CPPED1: variants seen among roughly 807,000 people sequenced by gnomAD.
CPPED1 encodes serine/threonine-protein phosphatase CPPED1.
CPPED1 carries 28 observed loss-of-function variants against 28.0 expected under a neutral mutation model. That is an observed-to-expected ratio of 1.00 (90% CI 0.74 to 1.37). The LOEUF (loss-of-function observed/expected upper bound fraction) is 1.37. Among genes scored for constraint, CPPED1 ranks in the 40% most tolerant of loss-of-function variants. CPPED1 has a pLI of 0.00. For missense variants in CPPED1, 504 were observed against 416.5 expected (o/e 1.21, Z -1.83); for synonymous variants, 198 against 180.2 (o/e 1.10, Z -0.79).
At chr16:12,672,044 C>T (rs1166061613) in intron 3 of CPPED1, among the ~76,000 whole-genome samples, 1 of 152,192 alleles carries the variant, frequency 6.6e-6, no homozygotes, top group Non-Finnish European at 1.5e-5. Flanking sequence ...GCATGGTTTG[C>T]AGTCTAGGAG....
At chr16:12,719,370 G>A (rs1445711149) in intron 2 of CPPED1, among the ~76,000 whole-genome samples, 17 of 147,690 alleles carry the variant, frequency 1.2e-4, no homozygotes, top group African/African-American at 3.5e-4. Context: ...TGGCCTGGGC[G>A]AAAGAGCGAG....
At chr16:12,802,878 T>G (rs982013497) in intron 1 of CPPED1, among the ~76,000 whole-genome samples, 2 of 152,080 alleles carry the variant, frequency 1.3e-5, no homozygotes, top group Admixed American at 1.3e-4. Flanking sequence ...CTGAAGGAAG[T>G]GGACACAAGC....
intron 3 of CPPED1, among the ~76,000 whole-genome samples, chr16:12,686,187 C>CAGT (rs953105529): frequency 3.3e-5 from 5 of 151,834 alleles, no homozygotes; most frequent in Non-Finnish European, 7.4e-5. Flanking sequence ...TTGGGGTGGC[C>CAGT]AGTAATCCAT....
At chr16:12,750,018 T>C (rs370397565) in intron 2 of CPPED1, among the ~76,000 whole-genome samples, 1 of 152,218 alleles carries the variant, frequency 6.6e-6, no homozygotes, top group African/African-American at 2.4e-5. Flanking sequence ...ACGTATTTCT[T>C]AAATACATTA....
chr16:12,770,096 T>C (rs947367181), intron 2 of CPPED1, among the ~76,000 whole-genome samples: 3 of 152,186 alleles, frequency 2.0e-5, no homozygotes, highest in Non-Finnish European at 2.9e-5. Flanking sequence ...CAGGAACTTA[T>C]TGCTTACATG....
intron 2 of CPPED1, among the ~76,000 whole-genome samples, chr16:12,712,299 G>A (rs1404642720): frequency 6.6e-6 from 1 of 152,142 alleles, no homozygotes; most frequent in Non-Finnish European, 1.5e-5. Flanking sequence ...GAATAGTCAA[G>A]CCAGGGCATC....
intron 1 of CPPED1, among the ~76,000 whole-genome samples, chr16:12,799,853 C>G (rs1596490482): frequency 6.6e-6 from 1 of 152,216 alleles, no homozygotes; most frequent in Non-Finnish European, 1.5e-5. Flanking sequence ...CTGCATGGCT[C>G]ACAGAGGAGA....
intron 2 of CPPED1, among the ~76,000 whole-genome samples, chr16:12,721,907 G>C (rs1341905857): frequency 6.6e-6 from 1 of 152,146 alleles, no homozygotes; most frequent in Non-Finnish European, 1.5e-5. Context: ...CCGCTATGGA[G>C]GTTGTCTAAA....
At chr16:12,756,118 G>A (rs998724634) in intron 2 of CPPED1, among the ~76,000 whole-genome samples, 6 of 140,608 alleles carry the variant, frequency 4.3e-5, no homozygotes, top group African/African-American at 1.4e-4. Context: ...GCAACAGAGC[G>A]AAACTCCGTC....
chr16:12,724,806 A>G (rs1375633419), intron 2 of CPPED1, among the ~76,000 whole-genome samples: 1 of 151,812 alleles, frequency 6.6e-6, no homozygotes, highest in Non-Finnish European at 1.5e-5. Context: ...TTTTTTTTTG[A>G]GACGGAGTGT....
At chr16:12,711,299 A>C (rs537300210) in intron 2 of CPPED1, among the ~76,000 whole-genome samples, 1 of 152,334 alleles carries the variant, frequency 6.6e-6, no homozygotes, top group South Asian at 2.1e-4. Flanking sequence ...CAGAGGCAGA[A>C]AGTAGAATGG....
At chr16:12,767,418 A>G (rs2080445894) in intron 2 of CPPED1, among the ~76,000 whole-genome samples, 1 of 152,172 alleles carries the variant, frequency 6.6e-6, no homozygotes, top group African/African-American at 2.4e-5. Flanking sequence ...ACACACCCAG[A>G]AATCATGTCT....
chr16:12,759,976 A>C (rs778081342), intron 2 of CPPED1, among the ~76,000 whole-genome samples: 9 of 152,366 alleles, frequency 5.9e-5, no homozygotes, highest in Non-Finnish European at 1.2e-4. Flanking sequence ...ATGGACAACC[A>C]CTGAAAGCTC....
At position 12,681,137 on chromosome 16, in the gene CPPED1, T is replaced by C. The variant is rs181154607; in HGVS notation, c.716-16022A>G. Among the ~76,000 whole-genome samples the C allele has an allele frequency of 3.2e-3, 279 of 85,892 alleles. 4 individuals are homozygous for C. The highest frequency in any genetic ancestry group is 0.013 in the African/African-American group (255 of 19,858). The allele number at this position is 85,892 out of a possible 152,430, so 56.3% of individuals were successfully genotyped here. ...CTCCCCCGACCCCCGTTTCCCCCCG[T>C]AAAGAATAGCCATGCGTTATTATTT... is the stretch of plus-strand genomic sequence containing the variant. On this transcript the variant is annotated intron_variant, in intron 3 of 3. Transcript: ENST00000381774.
At chr16:12,731,690 T>G (rs1422094066) in intron 2 of CPPED1, among the ~76,000 whole-genome samples, 1 of 151,390 alleles carries the variant, frequency 6.6e-6, no homozygotes, top group East Asian at 1.9e-4. Context: ...TCCCCCGCAT[T>G]TGTCAGTTTT....
At chr16:12,799,547 C>T (rs1052743982) in intron 1 of CPPED1, among the ~76,000 whole-genome samples, 8 of 152,180 alleles carry the variant, frequency 5.3e-5, no homozygotes, top group South Asian at 4.1e-4. Flanking sequence ...CTCCCAGCCT[C>T]GAAAAGCTAG....
Position 12,704,973 on chromosome 16 carries a change from G to C in CPPED1, c.366C>G (p.Val122=). ...LRAVDRAIPL[V]LVSGNHDIGN... is the part of the protein sequence containing the mutation. ...CAATGTCATGGTTGCCGCTGACAAG[G>C]ACCAGTGGGATGGCCCTGTCCACTG... is the stretch of plus-strand genomic sequence containing the variant. The change falls in exon 3 of 4, where the codon GTC becomes GTG. Residue 122 remains valine (V), a synonymous_variant. Coordinates refer to ENST00000381774, the MANE Select transcript of CPPED1 (RefSeq NM_018340.3). 8.1e-6 allele frequency: 13 copies of C among 1,614,212 alleles called. No individual in the cohort carries two copies. The highest frequency in any genetic ancestry group is 1.1e-5 in the Non-Finnish European group (13 of 1,180,040).
At chr16:12,764,171 T>C (rs1195187801) in intron 2 of CPPED1, among the ~76,000 whole-genome samples, 1 of 151,306 alleles carries the variant, frequency 6.6e-6, no homozygotes, top group Non-Finnish European at 1.5e-5. Flanking sequence ...TTAAGGTTTT[T>C]TCTGGATACC....
chr16:12,718,317 T>A (rs2080118462), intron 2 of CPPED1, among the ~76,000 whole-genome samples: 1 of 152,018 alleles, frequency 6.6e-6, no homozygotes, highest in Non-Finnish European at 1.5e-5. Flanking sequence ...GGCGGGCGGA[T>A]CATTTGAGGT....
Sources: gnomAD v4.1 joint callset for allele counts (sites outside exome capture counted in the v4.1 genomes callset) on GRCh38, gnomAD v4.1.1 for gene constraint, MANE v1.5 for transcripts, NCBI Gene and HGNC (gene_info 2026-07-23, HGNC 2026-07-21) for gene names.